Variants in IL1RAPL1 observed in about 807,000 individuals in gnomAD.
The protein encoded by IL1RAPL1 is interleukin 1 receptor accessory protein like 1.
A neutral mutation model predicts 48.4 loss-of-function variants in IL1RAPL1; 3 were observed. That is an observed-to-expected ratio of 0.06 (90% confidence interval 0.03 to 0.16). IL1RAPL1 has a LOEUF of 0.16. IL1RAPL1 is among the 10% of genes least tolerant of loss of function. The pLI is 1.00. For missense variants in IL1RAPL1, 349 were observed against 530.6 expected (o/e 0.66, Z 3.36); for synonymous variants, 185 against 187.7 (o/e 0.99, Z 0.12).
chrX:29,264,692 A>G (rs1569272862), intron 2 of IL1RAPL1, among the ~76,000 whole-genome samples: 2 of 110,603 alleles, frequency 1.8e-5, no homozygotes, highest in African/African-American at 6.6e-5. Context: ...TAAAAATTGA[A>G]TTGAAAAAAT....
chrX:29,418,119 A>ATTT (rs1225091387), intron 5 of IL1RAPL1, among the ~76,000 whole-genome samples: 59 of 30,923 alleles, frequency 1.9e-3, no homozygotes, highest in African/African-American at 7.6e-3. Context: ...ATATATATAT[A>ATTT]TATATATTTT....
intron 2 of IL1RAPL1, among the ~76,000 whole-genome samples, chrX:29,006,500 G>C (rs1159542156): frequency 2.9e-5 from 3 of 103,592 alleles, no homozygotes; most frequent in African/African-American, 1.1e-4. Context: ...GGCAACAAGA[G>C]CAAAACGCCG....
intron 6 of IL1RAPL1, among the ~76,000 whole-genome samples, chrX:29,722,392 A>G (rs1323463961): frequency 8.9e-6 from 1 of 112,210 alleles, no homozygotes; most frequent in Non-Finnish European, 1.9e-5. Context: ...AGAGGAGACA[A>G]ATAGCCACCT....
chrX:29,001,727 T>TGAGCAAATTTATTCAAAGTGACATTAG (rs1925857161), intron 2 of IL1RAPL1, among the ~76,000 whole-genome samples: 1 of 111,137 alleles, frequency 9.0e-6, no homozygotes, highest in African/African-American at 3.3e-5. Context: ...TGATGGAAAA[T>TGAGCAAATTTATTCAAAGTGACATTAG]GAGCAAATTT....
In IL1RAPL1 at chrX:29,559,222, A is replaced by G. The variant is rs149107923; in HGVS notation, c.704-109208A>G. The stretch of plus-strand genomic sequence containing the variant: ...AATTTGCTGGTAAATTCAGTTTGCT[A>G]GTATTCTGTTGTGGAATTTTGCATC... On this transcript the variant is annotated intron_variant, in intron 5 of 10. Transcript: ENST00000378993. Among the ~76,000 whole-genome samples, 516 of 111,775 alleles carry G rather than the reference A, an allele frequency of 4.6e-3. 3 individuals are homozygous for G. Among genetic ancestry groups the G allele is most frequent in the African/African-American group, 0.016 (497 of 30,852 alleles).
At chrX:29,846,065 G>A (rs920546364) in intron 6 of IL1RAPL1, among the ~76,000 whole-genome samples, 17 of 111,111 alleles carry the variant, frequency 1.5e-4, no homozygotes, top group African/African-American at 5.6e-4. Context: ...TGAGATTTGG[G>A]CAGGGACGCA....
intron 6 of IL1RAPL1, among the ~76,000 whole-genome samples, chrX:29,674,774 G>A (rs933203012): frequency 9.0e-6 from 1 of 110,957 alleles, no homozygotes; most frequent in Admixed American, 9.6e-5. Flanking sequence ...TTGTGTCCAT[G>A]TGTTCTCATC....
chrX:28,821,217 C>G (rs1936934432), intron 2 of IL1RAPL1, among the ~76,000 whole-genome samples: 1 of 111,863 alleles, frequency 8.9e-6, no homozygotes, highest in Non-Finnish European at 1.9e-5. Context: ...TTAATTAATA[C>G]ATGCACATGT....
intron 2 of IL1RAPL1, among the ~76,000 whole-genome samples, chrX:29,245,102 A>C (rs1395040995): frequency 1.8e-5 from 2 of 111,264 alleles, no homozygotes; most frequent in African/African-American, 3.3e-5. Context: ...GAAGGACATG[A>C]TCTCATCCTT....
At chrX:29,394,612 G>A (rs1933898676) in intron 3 of IL1RAPL1, among the ~76,000 whole-genome samples, 1 of 111,853 alleles carries the variant, frequency 8.9e-6, no homozygotes, top group Non-Finnish European at 1.9e-5. Flanking sequence ...TACCACTGTG[G>A]TAGTTCATAT....
At chrX:29,332,608 TTTTATTTATTTATTTA>T (rs143450419) in intron 3 of IL1RAPL1, among the ~76,000 whole-genome samples, 395 of 90,070 alleles carry the variant, frequency 4.4e-3, no homozygotes, top group African/African-American at 7.7e-3. Context: ...TTGGCCCATA[TTTTATTTATTTATTTA>T]TTTATTTATT....
intron 5 of IL1RAPL1, among the ~76,000 whole-genome samples, chrX:29,632,737 A>T (rs752245843): frequency 9.0e-6 from 1 of 111,366 alleles, no homozygotes; most frequent in East Asian, 2.8e-4. Context: ...TTTCAGGAGT[A>T]GAAAGGAATC....
chrX:29,863,130 A>G (rs1019032120), intron 6 of IL1RAPL1, among the ~76,000 whole-genome samples: 6 of 111,458 alleles, frequency 5.4e-5, no homozygotes, highest in African/African-American at 2.0e-4. Flanking sequence ...GTATCTCATT[A>G]TATCATCCTG....
chrX:28,885,272 G>A (rs1048351211), intron 2 of IL1RAPL1, among the ~76,000 whole-genome samples: 6 of 110,997 alleles, frequency 5.4e-5, no homozygotes, highest in African/African-American at 2.0e-4. Context: ...GATGAAAGGC[G>A]GATATGACTC....
At chrX:29,402,185 T>G (rs139491227) in intron 5 of IL1RAPL1, among the ~76,000 whole-genome samples, 2,139 of 111,854 alleles carry the variant, frequency 0.019, 33 homozygotes, top group Non-Finnish European at 0.03. Context: ...AGCCTCTATC[T>G]TTTATTAGCC....
chrX:28,880,291 G>A (rs1456235791), intron 2 of IL1RAPL1, among the ~76,000 whole-genome samples: 1 of 111,999 alleles, frequency 8.9e-6, no homozygotes, highest in Admixed American at 9.5e-5. Context: ...AATTGCAAGA[G>A]GACTTAAAGG....
intron 1 of IL1RAPL1, among the ~76,000 whole-genome samples, 157 bp downstream of exon 1, chrX:28,588,204 A>ATTGTG (rs1491427598): frequency 3.6e-4 from 13 of 36,241 alleles, no homozygotes; most frequent in African/African-American, 2.1e-3. Context: ...GGGTGTGTTG[A>ATTGTG]TATGTGTGTG....
chrX:29,207,301 G>A (rs985630009), intron 2 of IL1RAPL1, among the ~76,000 whole-genome samples: 2 of 111,751 alleles, frequency 1.8e-5, no homozygotes, highest in African/African-American at 6.5e-5. Context: ...TCTGCGAAAA[G>A]AACAAACATA....
chrX:28,704,843 A>AAAAAC (rs1935354306), intron 1 of IL1RAPL1, among the ~76,000 whole-genome samples: 1 of 106,016 alleles, frequency 9.4e-6, no homozygotes, highest in African/African-American at 3.5e-5. Context: ...AAAAAAAAAA[A>AAAAAC]AAAAAACTGT....
Sources: gnomAD v4.1 joint callset for allele counts (sites outside exome capture counted in the v4.1 genomes callset) on GRCh38, gnomAD v4.1.1 for gene constraint, MANE v1.5 for transcripts, NCBI Gene and HGNC (gene_info 2026-07-23, HGNC 2026-07-21) for gene names.